Variants in STARD13 observed in about 807,000 individuals in gnomAD.
STARD13 encodes the protein StAR related lipid transfer domain containing 13, also known as stAR-related lipid transfer protein 13.
STARD13 carries 62 observed loss-of-function variants against 106.4 expected under a neutral mutation model. The observed-to-expected ratio is 0.58, with a 90% CI of 0.48 to 0.72. STARD13 has a LOEUF of 0.72. Among genes scored for constraint, STARD13 ranks in the 30% least tolerant of loss-of-function variants. The pLI is 0.00. For synonymous variants in STARD13, 565 were observed against 553.0 expected (o/e 1.02, Z -0.31); for missense variants, 1,387 against 1,424.0 (o/e 0.97, Z 0.42).
the STARD13 span, among the ~76,000 whole-genome samples, chr13:33,571,278 A>G: frequency 6.6e-6 from 1 of 152,182 alleles, no homozygotes; most frequent in South Asian, 2.1e-4. Context: ...GTTGTGCCCT[A>G]TCACAATTAT....
the STARD13 span, among the ~76,000 whole-genome samples, chr13:33,359,314 T>G: frequency 6.6e-6 from 1 of 151,570 alleles, no homozygotes; most frequent in Non-Finnish European, 1.5e-5. Context: ...ACGCGCTGCC[T>G]TAAGAGCTGT....
chr13:33,486,453 C>T, the STARD13 span, among the ~76,000 whole-genome samples: 2 of 152,064 alleles, frequency 1.3e-5, no homozygotes, highest in African/African-American at 2.4e-5. Context: ...AGATTAACAA[C>T]AATATCTAAT....
the STARD13 span, among the ~76,000 whole-genome samples, chr13:33,399,662 C>T: frequency 7.8e-6 from 1 of 128,910 alleles, no homozygotes; most frequent in African/African-American, 3.0e-5. Context: ...GACTTCACCA[C>T]TGCACTCCAG....
At chr13:33,475,855 G>T in the STARD13 span, among the ~76,000 whole-genome samples, 1 of 152,202 alleles carries the variant, frequency 6.6e-6, no homozygotes, top group East Asian at 1.9e-4. Context: ...TACTCAGGAG[G>T]CTGAGGCAGG....
At chr13:33,661,156 T>C in the STARD13 span, 1 of 152,214 alleles carries the variant, frequency 6.6e-6, no homozygotes, top group South Asian at 2.1e-4. Context: ...TAGGATCTCA[T>C]AGTGTTATCA....
At chr13:33,268,549 T>C (rs1891014672) in intron 1 of STARD13, among the ~76,000 whole-genome samples, 1 of 152,234 alleles carries the variant, frequency 6.6e-6, no homozygotes, top group Admixed American at 6.5e-5. Context: ...ATGTTGTTAT[T>C]ATTATTATTC....
the STARD13 span, among the ~76,000 whole-genome samples, chr13:33,545,878 C>T: frequency 6.6e-6 from 1 of 152,194 alleles, no homozygotes; most frequent in African/African-American, 2.4e-5. Context: ...TCTTGTACAG[C>T]CTACAGAACT....
chr13:33,205,924 G>A (rs1046896982), intron 1 of STARD13: 1 of 985,294 alleles, frequency 1.0e-6, no homozygotes, highest in African/African-American at 1.7e-5. Flanking sequence ...GAAACTGACA[G>A]ATGGTGCATC....
chr13:33,209,455 CTCTCTT>C (rs1433794370), intron 1 of STARD13, among the ~76,000 whole-genome samples: 4 of 128,204 alleles, frequency 3.1e-5, no homozygotes, highest in African/African-American at 1.2e-4. Context: ...CTCTCTCTCT[CTCTCTT>C]TTTTTTTTCC....
chr13:33,175,184 G>T (rs1037559130), intron 1 of STARD13, among the ~76,000 whole-genome samples: 1 of 152,198 alleles, frequency 6.6e-6, no homozygotes, highest in African/African-American at 2.4e-5. Flanking sequence ...AAGCAGAGTA[G>T]TTCTTTATTC....
At chr13:33,362,113 A>G in the STARD13 span, among the ~76,000 whole-genome samples, 1 of 152,162 alleles carries the variant, frequency 6.6e-6, no homozygotes, top group Admixed American at 6.5e-5. Context: ...GTCATTTATA[A>G]AGAAAATAGA....
chr13:33,456,007 T>C, the STARD13 span, among the ~76,000 whole-genome samples: 1 of 152,116 alleles, frequency 6.6e-6, no homozygotes, highest in East Asian at 1.9e-4. Flanking sequence ...TAATATTTCA[T>C]GACAAGAAAG....
the STARD13 span, among the ~76,000 whole-genome samples, chr13:33,587,878 CA>C: frequency 6.6e-6 from 1 of 152,130 alleles, no homozygotes; most frequent in Non-Finnish European, 1.5e-5. Flanking sequence ...AAAAATCTCA[CA>C]ATTTTTATAT....
At chr13:33,167,419 G>C (rs1883446317) in intron 2 of STARD13, 132 bp downstream of exon 2, 1 of 819,172 alleles carries the variant, frequency 1.2e-6, no homozygotes. Flanking sequence ...ATAGCAAAAA[G>C]GCCGAGGGAA....
intron 1 of STARD13, among the ~76,000 whole-genome samples, chr13:33,229,247 A>T (rs944137450): frequency 1.1e-4 from 16 of 152,248 alleles, no homozygotes; most frequent in African/African-American, 3.6e-4. Flanking sequence ...GACTTCCTAA[A>T]TAGCGACTCC....
At chr13:33,166,811 G>A (rs917876936) in intron 2 of STARD13, among the ~76,000 whole-genome samples, 7 of 151,802 alleles carry the variant, frequency 4.6e-5, no homozygotes, top group Admixed American at 6.6e-5. Flanking sequence ...CCTGACCCAC[G>A]TGGTGAAACC....
the STARD13 span, among the ~76,000 whole-genome samples, chr13:33,483,262 T>C: frequency 6.6e-6 from 1 of 152,152 alleles, no homozygotes. Context: ...AAACTTACAG[T>C]GGTAAGTAGC....
intron 1 of STARD13, among the ~76,000 whole-genome samples, chr13:33,265,379 C>T (rs542378166): frequency 6.6e-5 from 10 of 152,276 alleles, no homozygotes; most frequent in African/African-American, 1.9e-4. Context: ...TGCTGACAGA[C>T]CACTTAGGAA....
chr13:33,469,864 G>A, the STARD13 span, among the ~76,000 whole-genome samples: 1 of 152,016 alleles, frequency 6.6e-6, no homozygotes. Flanking sequence ...ATGTTCATGA[G>A]ACATGAGCTG....
Sources: gnomAD v4.1 joint callset for allele counts (sites outside exome capture counted in the v4.1 genomes callset) on GRCh38, gnomAD v4.1.1 for gene constraint, MANE v1.5 for transcripts, NCBI Gene and HGNC (gene_info 2026-07-23, HGNC 2026-07-21) for gene names.